Variants in TRMT10A observed in about 807,000 individuals in gnomAD.
The protein encoded by TRMT10A is tRNA methyltransferase 10A.
Under a neutral mutation model 40.4 loss-of-function variants are expected in TRMT10A, and 37 were observed. The observed-to-expected ratio is 0.92, with a 90% CI of 0.71 to 1.21. The LOEUF (loss-of-function observed/expected upper bound fraction) is 1.21. Among genes scored for constraint, TRMT10A ranks in the 50% most tolerant of loss-of-function variants. TRMT10A has a pLI of 0.00. For missense variants in TRMT10A, 388 were observed against 404.3 expected (o/e 0.96, Z 0.35); for synonymous variants, 103 against 134.1 (o/e 0.77, Z 1.60).
chr4:99,552,137 A>C (rs529072739), intron 6 of TRMT10A, among the ~76,000 whole-genome samples: 169 of 152,208 alleles, frequency 1.1e-3, no homozygotes, highest in South Asian at 2.1e-3. Flanking sequence ...TTGAAGAAAA[A>C]ATTTTAAATA....
rs909189154 is a variant in TRMT10A at position 99,563,962 on chromosome 4, T to C, written c.-73A>G. On this transcript the variant is annotated 5_prime_UTR_variant, in exon 1 of 8. Transcript: ENST00000394876. ...TGAAATCTCAGAAAGAAAGCCTTTC[T>C]GGGTTGGCCTGGTTACGGCTCACGC... The C allele has an allele frequency of 1.8e-6, 2 of 1,087,622 alleles. No individual in the cohort carries two copies. Among genetic ancestry groups the C allele is most frequent in the Non-Finnish European group, 2.7e-6 (2 of 739,400 alleles). 67.4% of individuals were successfully genotyped at this position (1,087,622 alleles called of 1,614,324 possible).
intron 1 of TRMT10A, 76 bp downstream of exon 1, chr4:99,563,837 C>A (rs1018302515): frequency 1.5e-6 from 1 of 658,150 alleles, no homozygotes; most frequent in Admixed American, 2.1e-5. Flanking sequence ...TAGTAGGGGG[C>A]TGCATGGCAC....
At chr4:99,561,437 T>TTCATCA (rs571226266) in intron 1 of TRMT10A, among the ~76,000 whole-genome samples, 1 of 152,090 alleles carries the variant, frequency 6.6e-6, no homozygotes, top group Non-Finnish European at 1.5e-5. Context: ...GGTCAACATC[T>TTCATCA]TCATCATCAT....
At chr4:99,562,944 C>T (rs1724501298) in intron 1 of TRMT10A, among the ~76,000 whole-genome samples, 1 of 152,144 alleles carries the variant, frequency 6.6e-6, no homozygotes, top group African/African-American at 2.4e-5. Context: ...GCCTCAGCCC[C>T]CCCAGTAGCT....
chr4:99,553,841 A>G lies in TRMT10A; in HGVS notation c.589T>C (p.Leu197=). The G allele has an allele frequency of 6.2e-7, 1 of 1,613,572 alleles. No homozygotes were observed. Among genetic ancestry groups the G allele is most frequent in the Non-Finnish European group, 8.5e-7 (1 of 1,179,764 alleles). ...ATCACATAGGCCTTTGATTCATCTA[A>G]TTCCTTCAGTATATTAGGTGAATCT... ...TSDSPNILKE[L]DESKAYVIGG... The change falls in exon 6 of 8, where the codon TTA becomes CTA. Residue 197 remains leucine, a synonymous_variant. Coordinates refer to ENST00000394876, the MANE Select transcript of TRMT10A (RefSeq NM_001134665.3).
intron 5 of TRMT10A, 104 bp from the exon 6 acceptor site, chr4:99,554,038 T>A: frequency 1.7e-6 from 2 of 1,171,624 alleles, no homozygotes; most frequent in Non-Finnish European, 1.2e-6. Flanking sequence ...CAAAAATATA[T>A]GAAACAAAGT....
At chr4:99,560,570 C>T (rs1266386878) in intron 1 of TRMT10A, among the ~76,000 whole-genome samples, 2 of 151,858 alleles carry the variant, frequency 1.3e-5, no homozygotes, top group Non-Finnish European at 2.9e-5. Context: ...GCCTTGAATG[C>T]ATTCATTAAT....
At chr4:99,558,829 T>C (rs1409339430) in intron 2 of TRMT10A, among the ~76,000 whole-genome samples, 2 of 152,132 alleles carry the variant, frequency 1.3e-5, no homozygotes, top group African/African-American at 4.8e-5. Flanking sequence ...ATCCCTTATC[T>C]AAGTCAGTTG....
In TRMT10A at chr4:99,553,935, CT is replaced by C; in HGVS notation, c.496-2del. The C allele has an allele frequency of 3.1e-6, 5 of 1,610,310 alleles. No homozygotes were observed. The highest frequency in any genetic ancestry group is 4.2e-6 in the Non-Finnish European group (5 of 1,179,040). On this transcript the variant is annotated splice_acceptor_variant, in intron 5 of 7. Coordinates refer to ENST00000394876, the MANE Select transcript of TRMT10A (RefSeq NM_001134665.3). LOFTEE classifies it high-confidence loss of function. ...AGTGCTCTGGTTTGATATGGATATC[CT>C]TTAAGACAACAGGGAAAGAGGTTAC...
chr4:99,547,144 CGGATACAAACATA>C lies in TRMT10A; in HGVS notation c.*1931_*1943del, dbSNP rs1723767424. 6.6e-6 allele frequency: 1 copy of C among 152,072 alleles called. No homozygotes were observed. The highest frequency in any genetic ancestry group is 2.4e-5 in the African/African-American group (1 of 41,410). The allele number at this position is 152,072 out of a possible 1,614,324, so 9.4% of individuals were successfully genotyped here. Reference sequence around the variant, plus strand: ...TCTCCCTAGAAAAAGAGTTTGGACACGGATACAAACATAGAAGACAGGGTAGAAGACCACTTGA... The same window carrying C: ...TCTCCCTAGAAAAAGAGTTTGGACACGAAGACAGGGTAGAAGACCACTTGA... On this transcript the variant is annotated 3_prime_UTR_variant, in exon 8 of 8. Transcript: ENST00000394876.
At chr4:99,563,115 C>T (rs1724515290) in intron 1 of TRMT10A, among the ~76,000 whole-genome samples, 1 of 152,236 alleles carries the variant, frequency 6.6e-6, no homozygotes, top group South Asian at 2.1e-4. Flanking sequence ...GTCACCGCGC[C>T]CGGCCAGGAA....
At chr4:99,557,785 G>T in intron 3 of TRMT10A, 1 of 427,492 alleles carries the variant, frequency 2.3e-6, no homozygotes, top group South Asian at 3.8e-5. Flanking sequence ...AGTTAATTTA[G>T]TTCTGTCATC....
chr4:99,552,416 C>T, intron 6 of TRMT10A, among the ~76,000 whole-genome samples: 1 of 152,120 alleles, frequency 6.6e-6, no homozygotes, highest in East Asian at 1.9e-4. Flanking sequence ...TACAGTAACA[C>T]TCTGTATAGG....
Position 99,549,321 on chromosome 4 carries a change from C to CA in TRMT10A, c.786_787insT (p.Asp263Ter). On this transcript the variant is annotated frameshift_variant, in exon 8 of 8. Transcript: ENST00000394876. LOFTEE classifies it low-confidence loss of function (END_TRUNC). ...ATAGTAAAAAATGCTTCTTGCCAGT[C>CA]TCTTGTTTCCAGGTATTCCAGAATA... 6.2e-7 allele frequency: 1 copy of CA among 1,614,138 alleles called. No homozygotes were observed. Among genetic ancestry groups the CA allele is most frequent in the Non-Finnish European group, 8.5e-7 (1 of 1,179,996 alleles).
At chr4:99,561,591 G>A (rs890095425) in intron 1 of TRMT10A, among the ~76,000 whole-genome samples, 11 of 152,100 alleles carry the variant, frequency 7.2e-5, no homozygotes, top group East Asian at 5.8e-4. Flanking sequence ...AAATTATTCC[G>A]TATAGTATAC....
chr4:99,550,283 G>C (rs916261300), intron 7 of TRMT10A, among the ~76,000 whole-genome samples: 3 of 152,288 alleles, frequency 2.0e-5, no homozygotes, highest in African/African-American at 7.2e-5. Flanking sequence ...TCCACCTCCT[G>C]AGCTCAGGTG....
intron 1 of TRMT10A, chr4:99,563,271 C>T (rs1197965655): frequency 2.0e-5 from 3 of 152,480 alleles, no homozygotes; most frequent in African/African-American, 7.2e-5. Context: ...GTGTTGCCAT[C>T]CTCTTCATAT....
intron 1 of TRMT10A, among the ~76,000 whole-genome samples, chr4:99,560,530 G>GA (rs541658945): frequency 6.6e-6 from 1 of 151,680 alleles, no homozygotes; most frequent in African/African-American, 2.4e-5. Flanking sequence ...AGAGATACAG[G>GA]AAAAAAAGGT....
chr4:99,562,111 C>T (rs924239687), intron 1 of TRMT10A, among the ~76,000 whole-genome samples: 59 of 150,118 alleles, frequency 3.9e-4, no homozygotes, highest in African/African-American at 1.4e-3. Flanking sequence ...GCAGAGGTTG[C>T]AGTGTGCCAT....
Sources: gnomAD v4.1 joint callset for allele counts (sites outside exome capture counted in the v4.1 genomes callset) on GRCh38, gnomAD v4.1.1 for gene constraint, MANE v1.5 for transcripts, NCBI Gene and HGNC (gene_info 2026-07-23, HGNC 2026-07-21) for gene names.